The following DPP10 variants were observed in gnomAD, a reference collection of about 807,000 sequenced individuals.
DPP10 encodes the protein dipeptidyl peptidase like 10, also known as inactive dipeptidyl peptidase 10.
In DPP10, 33 loss-of-function variants were observed where a neutral mutation model predicts 120.9. The observed-to-expected ratio is 0.27, with a 90% CI of 0.21 to 0.37. The LOEUF is 0.37. Among genes scored for constraint, DPP10 ranks in the 10% least tolerant of loss-of-function variants. The pLI is 1.00. For synonymous variants in DPP10, 337 were observed against 326.1 expected (o/e 1.03, Z -0.36); for missense variants, 816 against 942.8 (o/e 0.87, Z 1.76).
chr2:114,658,653 C>T (rs1341474970), intron 1 of DPP10, among the ~76,000 whole-genome samples: 10 of 152,068 alleles, frequency 6.6e-5, no homozygotes, highest in African/African-American at 9.7e-5. Context: ...GACTGCAAAG[C>T]GCTCATTAAA....
chr2:114,581,552 C>T (rs921887223), intron 1 of DPP10, among the ~76,000 whole-genome samples: 1 of 152,192 alleles, frequency 6.6e-6, no homozygotes. Flanking sequence ...ATGGACTTTT[C>T]TAACCTGCTG....
chr2:115,135,198 A>G (rs1019100807), intron 1 of DPP10, among the ~76,000 whole-genome samples: 12 of 151,180 alleles, frequency 7.9e-5, no homozygotes, highest in Non-Finnish European at 1.8e-4. Flanking sequence ...AGCATACTTT[A>G]GGGTTGTACT....
At chr2:115,601,278 A>G (rs182451606) in intron 5 of DPP10, among the ~76,000 whole-genome samples, 1 of 152,232 alleles carries the variant, frequency 6.6e-6, no homozygotes, top group Admixed American at 6.5e-5. Context: ...ATAAAATGTC[A>G]TTAAGGTTTC....
intron 1 of DPP10, among the ~76,000 whole-genome samples, chr2:114,507,890 T>G (rs1241478489): frequency 6.6e-6 from 1 of 152,244 alleles, no homozygotes; most frequent in Non-Finnish European, 1.5e-5. Flanking sequence ...TAAAATGTTT[T>G]TATTAGTGGT....
chr2:115,620,707 T>G (rs1440136105), intron 5 of DPP10, among the ~76,000 whole-genome samples: 1 of 152,196 alleles, frequency 6.6e-6, no homozygotes, highest in East Asian at 1.9e-4. Context: ...ACCAGGTACT[T>G]TCTCTATGAT....
In DPP10 at chr2:115,689,401, T is replaced by C. The variant is rs186345120; in HGVS notation, c.442-286T>C. On this transcript the variant is annotated intron_variant, in intron 5 of 25. Coordinates refer to ENST00000410059, the MANE Select transcript of DPP10 (RefSeq NM_020868.6). ...ACATCAGATGAGGCAGTTTGAACTT[T>C]ATTTTACAGGCAATAGGGCATTAGT... 1.2e-3 allele frequency among the ~76,000 whole-genome samples: 185 copies of C among 152,302 alleles called. 1 individual carries two copies. Among genetic ancestry groups the C allele is most frequent in the South Asian group, 2.1e-3 (10 of 4,826 alleles).
chr2:114,474,499 A>C (rs1680209749), intron 1 of DPP10, among the ~76,000 whole-genome samples: 1 of 152,286 alleles, frequency 6.6e-6, no homozygotes, highest in South Asian at 2.1e-4. Flanking sequence ...GTGTATACCT[A>C]CCATGGTATC....
chr2:115,167,191 A>G (rs2052940907), intron 1 of DPP10, among the ~76,000 whole-genome samples: 1 of 151,916 alleles, frequency 6.6e-6, no homozygotes, highest in Non-Finnish European at 1.5e-5. Context: ...GAGTTTTTGA[A>G]TAAGGTCTGA....
At chr2:115,349,742 T>A (rs2063904120) in intron 3 of DPP10, among the ~76,000 whole-genome samples, 1 of 152,074 alleles carries the variant, frequency 6.6e-6, no homozygotes, top group African/African-American at 2.4e-5. Flanking sequence ...AACAAATACA[T>A]CTTTGTTGTT....
At chr2:114,899,062 A>G (rs963156787) in intron 1 of DPP10, among the ~76,000 whole-genome samples, 2 of 151,746 alleles carry the variant, frequency 1.3e-5, no homozygotes, top group Admixed American at 6.6e-5. Context: ...GTAGATGAAT[A>G]TGTTTTTTTT....
At chr2:114,450,961 G>C (rs910480371) in intron 1 of DPP10, among the ~76,000 whole-genome samples, 3 of 152,004 alleles carry the variant, frequency 2.0e-5, no homozygotes, top group Non-Finnish European at 4.4e-5. Flanking sequence ...ATTGCTGACG[G>C]ACTGAAAAAC....
At chr2:115,523,129 A>G (rs2148886821) in intron 4 of DPP10, among the ~76,000 whole-genome samples, 1 of 152,260 alleles carries the variant, frequency 6.6e-6, no homozygotes, top group East Asian at 1.9e-4. Context: ...GAGAAGATTC[A>G]GCAGCTTGGG....
chr2:114,599,218 A>G (rs2105215626), intron 1 of DPP10, among the ~76,000 whole-genome samples: 1 of 152,024 alleles, frequency 6.6e-6, no homozygotes, highest in East Asian at 1.9e-4. Context: ...AGAATGAAGT[A>G]GGTTTGTAAT....
rs149024776 is a variant in DPP10 at position 115,118,285 on chromosome 2, C to T, written c.61-190954C>T. On this transcript the variant is annotated intron_variant, in intron 1 of 25. Coordinates refer to ENST00000410059, the MANE Select transcript of DPP10 (RefSeq NM_020868.6). ...TAGTCTGAACCAATATTATCTTTTACCTAGACCATTTATTTACTCCAAAGT... is the reference window on the plus strand; with the variant it reads ...TAGTCTGAACCAATATTATCTTTTATCTAGACCATTTATTTACTCCAAAGT... Among the ~76,000 whole-genome samples the T allele has an allele frequency of 3.3e-5, 5 of 152,268 alleles. No individual in the cohort carries two copies. The East Asian group carries it at 9.7e-4, about 29-fold the overall frequency.
chr2:114,937,162 G>A (rs1033316800), intron 1 of DPP10, among the ~76,000 whole-genome samples: 3 of 152,062 alleles, frequency 2.0e-5, no homozygotes, highest in Admixed American at 1.3e-4. Flanking sequence ...TGAAGTCTTT[G>A]CCTAAGCCAA....
intron 3 of DPP10, among the ~76,000 whole-genome samples, chr2:115,486,263 T>A: frequency 6.8e-6 from 1 of 146,414 alleles, no homozygotes; most frequent in South Asian, 2.2e-4. Context: ...TAAGTTTTAC[T>A]GGCACTAGTA....
At chr2:114,996,364 C>T (rs1334793300) in intron 1 of DPP10, among the ~76,000 whole-genome samples, 1 of 152,150 alleles carries the variant, frequency 6.6e-6, no homozygotes, top group Non-Finnish European at 1.5e-5. Flanking sequence ...TTACCAAGAG[C>T]ATGGAGAGTA....
At chr2:114,716,049 C>A (rs1468894146) in intron 1 of DPP10, among the ~76,000 whole-genome samples, 1 of 149,930 alleles carries the variant, frequency 6.7e-6, no homozygotes, top group African/African-American at 2.5e-5. Flanking sequence ...AAATGATTGT[C>A]TTTTTTTTAA....
chr2:114,654,530 C>T (rs996558489), intron 1 of DPP10, among the ~76,000 whole-genome samples: 1 of 152,104 alleles, frequency 6.6e-6, no homozygotes, highest in Non-Finnish European at 1.5e-5. Flanking sequence ...AGTGTTCTAG[C>T]AGAATTTAAA....
Sources: gnomAD v4.1 joint callset for allele counts (sites outside exome capture counted in the v4.1 genomes callset) on GRCh38, gnomAD v4.1.1 for gene constraint, MANE v1.5 for transcripts, NCBI Gene and HGNC (gene_info 2026-07-23, HGNC 2026-07-21) for gene names.